RRP15: variants seen among roughly 807,000 people sequenced by gnomAD.
The protein encoded by RRP15 is RRP15-like protein.
RRP15 carries 18 observed loss-of-function variants against 27.1 expected under a neutral mutation model. The ratio of observed to expected loss-of-function variants is 0.66; its 90% CI spans 0.46 to 0.98. RRP15 has a LOEUF of 0.98. Among genes scored for constraint, RRP15 ranks in the 50% least tolerant of loss-of-function variants. The probability of loss-of-function intolerance (pLI) is 0.00; values close to 1 mark genes in which losing one functional copy is unlikely to be tolerated. For synonymous variants in RRP15, 107 were observed against 109.4 expected (o/e 0.98, Z 0.14); for missense variants, 359 against 337.8 (o/e 1.06, Z -0.49).
rs1237792854 is a variant in RRP15 at position 218,285,314 on chromosome 1, A to G, written c.-3A>G. 6.2e-7 allele frequency: 1 copy of G among 1,612,424 alleles called. No individual in the cohort carries two copies. On this transcript the variant is annotated 5_prime_UTR_variant, in exon 1 of 5. Coordinates refer to ENST00000366932, the MANE Select transcript of RRP15 (RefSeq NM_016052.4). ...TGTCAGGTGACGCTTCCGGCGCAGA[A>G]AAATGGCAGCCGCCGCTCCGGACTC...
chr1:218,286,343 T>C (rs1417608852), intron 1 of RRP15, among the ~76,000 whole-genome samples: 1 of 152,180 alleles, frequency 6.6e-6, no homozygotes, highest in Non-Finnish European at 1.5e-5. Context: ...ACCGGTATGC[T>C]TGTGTTTAAC....
intron 4 of RRP15, among the ~76,000 whole-genome samples, chr1:218,308,069 T>C (rs1466137068): frequency 2.6e-5 from 3 of 116,068 alleles, no homozygotes; most frequent in Non-Finnish European, 5.0e-5. Context: ...TTTCTTTTTT[T>C]TTTTTTTTTT....
intron 1 of RRP15, among the ~76,000 whole-genome samples, chr1:218,298,837 T>G (rs967636617): frequency 3.9e-5 from 6 of 152,220 alleles, no homozygotes; most frequent in Non-Finnish European, 8.8e-5. Context: ...TAGAGAACAC[T>G]GCCATGATTG....
chr1:218,311,624 A>G (rs1655997301), intron 4 of RRP15, among the ~76,000 whole-genome samples: 1 of 152,152 alleles, frequency 6.6e-6, no homozygotes, highest in African/African-American at 2.4e-5. Context: ...ATTTTGCAAC[A>G]TTGCTTTATC....
chr1:218,297,353 A>G (rs1001147526), intron 1 of RRP15, among the ~76,000 whole-genome samples: 1 of 152,148 alleles, frequency 6.6e-6, no homozygotes, highest in Non-Finnish European at 1.5e-5. Flanking sequence ...ACAGCCACAT[A>G]AAAATTCTCA....
rs1359879323 is a variant in RRP15, at chr1:218,298,327, A to G, written c.140-3967A>G. ...AGATATCTCTGGTCACCCTTTCCTC[A>G]TTGTTTTTCTTTAAGAACACCTACA... On this transcript the variant is annotated intron_variant, in intron 1 of 4. Transcript: ENST00000366932. Among the ~76,000 whole-genome samples the G allele has an allele frequency of 1.3e-5, 2 of 152,092 alleles. 1 individual carries two copies. The highest frequency in any genetic ancestry group is 2.9e-5 in the Non-Finnish European group (2 of 68,022).
chr1:218,304,494 G>A (rs905547566), intron 2 of RRP15, among the ~76,000 whole-genome samples: 2 of 152,222 alleles, frequency 1.3e-5, no homozygotes, highest in South Asian at 4.1e-4. Flanking sequence ...CTATTGGTCA[G>A]ATATGCTACG....
At chr1:218,299,312 G>T (rs1655773667) in intron 1 of RRP15, among the ~76,000 whole-genome samples, 2 of 152,008 alleles carry the variant, frequency 1.3e-5, no homozygotes, top group Admixed American at 1.3e-4. Context: ...AATTCTTCTG[G>T]ATATTTTTTT....
chr1:218,295,044 T>C (rs2102493641), intron 1 of RRP15, among the ~76,000 whole-genome samples: 1 of 152,314 alleles, frequency 6.6e-6, no homozygotes, highest in Admixed American at 6.5e-5. Flanking sequence ...ATTTATTGAC[T>C]TGATACCTTG....
At chr1:218,311,761 T>C (rs574690170) in intron 4 of RRP15, among the ~76,000 whole-genome samples, 1 of 152,386 alleles carries the variant, frequency 6.6e-6, no homozygotes, top group East Asian at 1.9e-4. Flanking sequence ...TTTTCAGCTT[T>C]CTGGGAGAGA....
Position 218,333,245 on chromosome 1 carries a change from T to C in RRP15, c.*2154T>C, listed in dbSNP as rs952902192. The C allele has an allele frequency of 1.3e-5, 2 of 152,170 alleles. No homozygotes were observed. Among genetic ancestry groups the C allele is most frequent in the Non-Finnish European group, 2.9e-5 (2 of 68,024 alleles). 9.4% of individuals were successfully genotyped at this position (152,170 alleles called of 1,614,324 possible). On this transcript the variant is annotated 3_prime_UTR_variant, in exon 5 of 5. Coordinates refer to ENST00000366932, the MANE Select transcript of RRP15 (RefSeq NM_016052.4). The stretch of plus-strand genomic sequence containing the variant: ...GAAGTATATATAAATTATATGACAA[T>C]TTTTATCATATAGATTTGATATCTT...
chr1:218,291,574 C>T (rs192141505), intron 1 of RRP15, among the ~76,000 whole-genome samples: 1 of 139,754 alleles, frequency 7.2e-6, no homozygotes, highest in Non-Finnish European at 1.5e-5. Context: ...GTTCTGTTGC[C>T]AGGCTGGAGT....
intron 3 of RRP15, among the ~76,000 whole-genome samples, chr1:218,306,457 A>G (rs1006276768): frequency 6.6e-6 from 1 of 152,170 alleles, no homozygotes; most frequent in African/African-American, 2.4e-5. Context: ...CACTACCTAC[A>G]AACACAACCC....
At position 218,296,974 on chromosome 1, in the gene RRP15, G is replaced by GA. The variant is rs1187188671; in HGVS notation, c.140-5320_140-5319insA. 9.9e-5 allele frequency among the ~76,000 whole-genome samples: 15 copies of GA among 152,210 alleles called. No individual in the cohort carries two copies. The East Asian group carries it at 2.9e-3, about 29-fold the overall frequency. On this transcript the variant is annotated intron_variant, in intron 1 of 4. Transcript: ENST00000366932. ...TGTTCCCCAGGTCCTCAGGATCTCT[G>GA]TCTGTCCTCTGATTACTGATTATCA...
In RRP15 at chr1:218,302,422, A is replaced by G. The variant is rs1655825882; in HGVS notation, c.268A>G (p.Met90Val). ...TGGAGAATCAAGTGTTGGGACTAAT[A>G]TGGGCTGGGCAGATGCTATGGCTAA... ...NDGESSVGTN[M>V]GWADAMAKVL... Residue 90 changes from methionine (M) to valine (V), a missense_variant, in exon 2 of 5, where the codon ATG becomes GTG. By Grantham distance (21) the Met-to-Val change is conservative. Coordinates refer to ENST00000366932, the MANE Select transcript of RRP15 (RefSeq NM_016052.4). 6.2e-7 allele frequency: 1 copy of G among 1,613,986 alleles called. No homozygotes were observed.
chr1:218,286,999 G>C (rs768571129), intron 1 of RRP15, among the ~76,000 whole-genome samples: 1 of 152,052 alleles, frequency 6.6e-6, no homozygotes, highest in Non-Finnish European at 1.5e-5. Context: ...TGCCACCCAG[G>C]CTAGAGTGCA....
At position 218,335,712 on chromosome 1, in the gene RRP15, T is replaced by C. The variant is rs1656437716; in HGVS notation, c.*4621T>C. On this transcript the variant is annotated 3_prime_UTR_variant, in exon 5 of 5. Coordinates refer to ENST00000366932, the MANE Select transcript of RRP15 (RefSeq NM_016052.4). Reference sequence around the variant, plus strand: ...TCTATCTAGTCTAATGAAACAACAGTGAATTTGGGAATTGTAAATCTGTCT... The same window carrying C: ...TCTATCTAGTCTAATGAAACAACAGCGAATTTGGGAATTGTAAATCTGTCT... 6.6e-6 allele frequency: 1 copy of C among 152,226 alleles called. No individual in the cohort carries two copies. The highest frequency in any genetic ancestry group is 1.5e-5 in the Non-Finnish European group (1 of 68,042). The allele number at this position is 152,226 out of a possible 1,614,324, so 9.4% of individuals were successfully genotyped here. A position where few individuals can be genotyped will look rare whatever the true frequency, so the allele number is the denominator to read the frequency against.
At chr1:218,323,902 GAGA>G (rs1415200113) in intron 4 of RRP15, among the ~76,000 whole-genome samples, 1 of 152,186 alleles carries the variant, frequency 6.6e-6, no homozygotes, top group Non-Finnish European at 1.5e-5. Context: ...CGGGCAGTGG[GAGA>G]AGATACTTCC....
At chr1:218,310,225 G>T (rs979330403) in intron 4 of RRP15, among the ~76,000 whole-genome samples, 1 of 152,142 alleles carries the variant, frequency 6.6e-6, no homozygotes, top group Non-Finnish European at 1.5e-5. Flanking sequence ...TGGAACAAAA[G>T]AAATCTTATT....
Sources: gnomAD v4.1 joint callset for allele counts (sites outside exome capture counted in the v4.1 genomes callset) on GRCh38, gnomAD v4.1.1 for gene constraint, MANE v1.5 for transcripts, NCBI Gene and HGNC (gene_info 2026-07-23, HGNC 2026-07-21) for gene names.